Variants in PDLIM1 observed in about 807,000 individuals in gnomAD.
PDLIM1 encodes the protein PDZ and LIM domain protein 1.
PDLIM1 carries 25 observed loss-of-function variants against 35.2 expected under a neutral mutation model. That is an observed-to-expected ratio of 0.71 (90% confidence interval 0.52 to 0.99). The LOEUF is 0.99. Ranked by LOEUF, PDLIM1 falls within the 50% of genes least tolerant of loss-of-function variation. The pLI is 0.00. For missense variants in PDLIM1, 363 were observed against 415.3 expected, an observed-to-expected ratio of 0.87 and a Z score of 1.09; for synonymous variants, 152 against 154.0, an observed-to-expected ratio of 0.99 and a Z score of 0.10.
intron 4 of PDLIM1, among the ~76,000 whole-genome samples, chr10:95,251,734 G>A (rs2035269646): frequency 6.6e-6 from 1 of 152,192 alleles, no homozygotes; most frequent in African/African-American, 2.4e-5. Context: ...GAGAAGATGA[G>A]GTAGACATAT....
intron 1 of PDLIM1, 73 bp from the exon 2 acceptor site, chr10:95,271,857 T>C: frequency 1.4e-6 from 2 of 1,422,516 alleles, no homozygotes; most frequent in Non-Finnish European, 1.9e-6. Flanking sequence ...AGTTAAGTAT[T>C]CACTGATATG....
At chr10:95,285,660 G>A (rs1429724028) in intron 1 of PDLIM1, among the ~76,000 whole-genome samples, 1 of 152,146 alleles carries the variant, frequency 6.6e-6, no homozygotes, top group Non-Finnish European at 1.5e-5. Flanking sequence ...ATGACATAGA[G>A]ATTAAGACTA....
intron 4 of PDLIM1, among the ~76,000 whole-genome samples, chr10:95,254,588 T>G (rs917469621): frequency 2.0e-5 from 3 of 152,138 alleles, no homozygotes; most frequent in African/African-American, 7.2e-5. Flanking sequence ...ATAGATCAAC[T>G]AGACAGATAA....
Position 95,268,790 on chromosome 10 carries a change from G to A in PDLIM1, c.321C>T (p.Ala107=), listed in dbSNP as rs2035437172. The A allele has an allele frequency of 1.9e-6, 3 of 1,611,272 alleles. No individual in the cohort carries two copies. The highest frequency in any genetic ancestry group is 1.3e-5 in the African/African-American group (1 of 74,994). The change falls in exon 3 of 7, where the codon GCC becomes GCT. Residue 107 remains alanine (A), a synonymous_variant. Transcript: ENST00000329399. ...GKRHPYKMNL[A]SEPQEVLHIG... is the part of the protein sequence containing the mutation. ...AGCAAGAACTTACCTGGGGTTCAGA[G>A]GCTAAATTCATCTTGTATGGATGAC...
intron 4 of PDLIM1, among the ~76,000 whole-genome samples, chr10:95,252,953 G>A (rs1245663341): frequency 6.6e-6 from 1 of 152,132 alleles, no homozygotes; most frequent in African/African-American, 2.4e-5. Flanking sequence ...GAGAAAAAAG[G>A]TGGAACTAGA....
At chr10:95,256,728 T>C (rs1366817249) in intron 4 of PDLIM1, among the ~76,000 whole-genome samples, 1 of 151,966 alleles carries the variant, frequency 6.6e-6, no homozygotes, top group East Asian at 1.9e-4. Flanking sequence ...TCCCAGCACT[T>C]TGGGAGGCTG....
At chr10:95,253,072 AT>A (rs752209187) in intron 4 of PDLIM1, among the ~76,000 whole-genome samples, 35 of 152,324 alleles carry the variant, frequency 2.3e-4, no homozygotes, top group Middle Eastern at 3.4e-3. Flanking sequence ...ACACCAAAAC[AT>A]ATCATAGTAA....
intron 1 of PDLIM1, among the ~76,000 whole-genome samples, chr10:95,282,705 C>T (rs991273408): frequency 6.6e-6 from 1 of 152,120 alleles, no homozygotes; most frequent in African/African-American, 2.4e-5. Context: ...TTTGGGAGGC[C>T]GAGATGGGCG....
Position 95,290,865 on chromosome 10 carries a change from G to A in PDLIM1, c.51C>T (p.Arg17=). 14 of 1,565,344 alleles carry A rather than the reference G, an allele frequency of 8.9e-6. No homozygotes were observed. Among genetic ancestry groups the A allele is most frequent in the Non-Finnish European group, 1.2e-5 (14 of 1,155,612 alleles). ...GCTCGAAGTCCTTGCCGCCCACGAG[G>A]CGGAAGCCCCACGGCCCCGGGCCCT... ...DLQGPGPWGF[R]LVGGKDFEQP... is the part of the protein sequence containing the mutation. Residue 17 remains arginine, a synonymous_variant, in exon 1 of 7, where the codon CGC becomes CGT. Coordinates refer to ENST00000329399, the MANE Select transcript of PDLIM1 (RefSeq NM_020992.4). This position sits in a 1 kb window ranked among gnomAD's most constrained non-coding sequence, Gnocchi z 4.7.
At chr10:95,264,163 T>C (rs1202652422) in intron 3 of PDLIM1, 100 bp from the exon 4 acceptor site, 2 of 968,918 alleles carry the variant, frequency 2.1e-6, no homozygotes, top group Non-Finnish European at 1.6e-6. Context: ...TTCCAGCTGC[T>C]AAGATGGCCC....
intron 2 of PDLIM1, 119 bp downstream of exon 2, chr10:95,271,514 A>T: frequency 1.4e-6 from 1 of 697,284 alleles, no homozygotes. Flanking sequence ...GCATGCCTAT[A>T]GTATATACAT....
intron 1 of PDLIM1, among the ~76,000 whole-genome samples, chr10:95,289,760 G>A (rs2035635749): frequency 1.3e-5 from 2 of 152,246 alleles, no homozygotes; most frequent in Non-Finnish European, 1.5e-5. Context: ...GCTTCAGCAG[G>A]CAGATGAGCC....
intron 2 of PDLIM1, among the ~76,000 whole-genome samples, chr10:95,269,982 C>A (rs1251694054): frequency 6.6e-6 from 1 of 152,098 alleles, no homozygotes; most frequent in African/African-American, 2.4e-5. Flanking sequence ...GGTGATCTAC[C>A]CACCTCGGCC....
At chr10:95,261,927 G>C (rs2035365750) in intron 4 of PDLIM1, among the ~76,000 whole-genome samples, 1 of 151,774 alleles carries the variant, frequency 6.6e-6, no homozygotes, top group Non-Finnish European at 1.5e-5. Flanking sequence ...AGAATCGCTT[G>C]AACCCGGGAG....
At chr10:95,246,248 C>A (rs946408525) in intron 5 of PDLIM1, among the ~76,000 whole-genome samples, 1 of 152,174 alleles carries the variant, frequency 6.6e-6, no homozygotes, top group Non-Finnish European at 1.5e-5. Context: ...AGGGAAGAAG[C>A]GGGTGTGAGG....
At chr10:95,267,364 A>G (rs1004345400) in intron 3 of PDLIM1, among the ~76,000 whole-genome samples, 11 of 152,154 alleles carry the variant, frequency 7.2e-5, no homozygotes, top group Admixed American at 3.3e-4. Flanking sequence ...TTAAAATTTA[A>G]CAATTAAAAT....
intron 5 of PDLIM1, among the ~76,000 whole-genome samples, chr10:95,242,061 C>T (rs376881028): frequency 7.2e-5 from 11 of 152,296 alleles, no homozygotes; most frequent in East Asian, 3.9e-4. Context: ...CGCTGGGAAC[C>T]GATGCACACA....
At chr10:95,288,109 T>A (rs2035617706) in intron 1 of PDLIM1, among the ~76,000 whole-genome samples, 1 of 152,174 alleles carries the variant, frequency 6.6e-6, no homozygotes, top group African/African-American at 2.4e-5. Context: ...GGGTAGTGAT[T>A]ATACAGATGC....
chr10:95,290,710 G>T lies in PDLIM1; in HGVS notation c.96+110C>A. 1 of 582,448 alleles carries T rather than the reference G, an allele frequency of 1.7e-6. No homozygotes were observed. The highest frequency in any genetic ancestry group is 2.8e-6 in the Non-Finnish European group (1 of 361,364). The allele number at this position is 582,448 out of a possible 1,614,324, so 36.1% of individuals were successfully genotyped here. A position where few individuals can be genotyped will look rare whatever the true frequency, so the allele number is the denominator to read the frequency against. On this transcript the variant is annotated intron_variant, in intron 1 of 6. Coordinates refer to ENST00000329399, the MANE Select transcript of PDLIM1 (RefSeq NM_020992.4). This position sits in a 1 kb window ranked among gnomAD's most constrained non-coding sequence, Gnocchi z 4.7. ...CGCTCAACTAACAGCGCACCTGGAC[G>T]CGCCCGGCTGCGGTTCCGACTCCGT...
Sources: allele counts gnomAD v4.1 joint callset (sites outside exome capture counted in the v4.1 genomes callset), GRCh38; gene constraint gnomAD v4.1.1; non-coding constraint Gnocchi (gnomAD v3.1); transcripts MANE v1.5; gene names NCBI Gene and HGNC (gene_info 2026-07-23, HGNC 2026-07-21).